Variants in CARD10 observed in about 807,000 individuals in gnomAD.
CARD10 encodes caspase recruitment domain family member 10.
Under a neutral mutation model 114.6 loss-of-function variants are expected in CARD10, and 49 were observed. The ratio of observed to expected loss-of-function variants is 0.43; its 90% CI spans 0.34 to 0.54. CARD10 has a LOEUF of 0.54. Among genes scored for constraint, CARD10 ranks in the 20% least tolerant of loss-of-function variants. The pLI is 0.03. For synonymous variants in CARD10, 602 were observed against 593.2 expected, an observed-to-expected ratio of 1.01 and a Z score of -0.21; for missense variants, 1,206 against 1,397.2, an observed-to-expected ratio of 0.86 and a Z score of 2.18.
intron 1 of CARD10, among the ~76,000 whole-genome samples, 156 bp downstream of exon 1, chr22:37,518,810 G>A (rs1386442850): frequency 2.6e-5 from 4 of 152,196 alleles, no homozygotes; most frequent in Non-Finnish European, 2.9e-5. Flanking sequence ...GTGGGGAGGA[G>A]GCAGGCTGGT....
chr22:37,518,907 C>T (rs1415344361), intron 1 of CARD10, 59 bp downstream of exon 1: 6 of 1,464,180 alleles, frequency 4.1e-6, no homozygotes, highest in African/African-American at 2.9e-5. Context: ...CGGCTGTGGG[C>T]GCTGCGCCCC....
intron 3 of CARD10, among the ~76,000 whole-genome samples, chr22:37,512,512 CA>C (rs1923697856): frequency 6.6e-6 from 1 of 150,814 alleles, no homozygotes; most frequent in Non-Finnish European, 1.5e-5. Context: ...CACACACACA[CA>C]CACACACGGG....
In CARD10 at chr22:37,510,909, C is replaced by T. The variant is rs11913657; in HGVS notation, c.700-488G>A. Reference sequence around the variant, plus strand: ...CCAGCCTGACCAACATGGTGAAACCCCGTCTCTACTAAAAATACAAAAATG... The same window carrying T: ...CCAGCCTGACCAACATGGTGAAACCTCGTCTCTACTAAAAATACAAAAATG... On this transcript the variant is annotated intron_variant, in intron 3 of 19. Coordinates refer to ENST00000251973, the MANE Select transcript of CARD10 (RefSeq NM_014550.4). 6.6e-3 allele frequency among the ~76,000 whole-genome samples: 1,001 copies of T among 152,026 alleles called. 11 individuals carry two copies. Among genetic ancestry groups the T allele is most frequent in the African/African-American group, 0.021 (872 of 41,480 alleles).
rs765552189 is a variant in CARD10, at chr22:37,510,389, C to T, written c.732G>A (p.Leu244=). 7 of 1,613,636 alleles carry T rather than the reference C, an allele frequency of 4.3e-6. No homozygotes were observed. Among genetic ancestry groups the T allele is most frequent in the African/African-American group, 1.3e-5 (1 of 74,930 alleles). The change falls in exon 4 of 20, where the codon CTG becomes CTA. Residue 244 remains leucine, a synonymous_variant. Transcript: ENST00000251973. The part of the protein sequence containing the change: ...VDQLKLKVSR[L]EEECALLRRA... ...TTCGAAGCAGTGCACACTCTTCCTC[C>T]AGCCGACTCACTTTGAGCTTGAGCT...
intron 2 of CARD10, among the ~76,000 whole-genome samples, 188 bp from the exon 3 acceptor site, chr22:37,516,486 G>A (rs1923850469): frequency 6.6e-6 from 1 of 152,190 alleles, no homozygotes; most frequent in South Asian, 2.1e-4. Context: ...AGAGAAAAAA[G>A]ATGGACAAAT....
chr22:37,512,588 C>CA lies in CARD10; in HGVS notation c.700-2168dup, dbSNP rs528562559. On this transcript the variant is annotated intron_variant, in intron 3 of 19. Transcript: ENST00000251973. Reference sequence around the variant, plus strand: ...CACTCCTCCTCCTCCGCAAGAGACTCAGAAAGAAATTCATGACTCCCGCAT... The same window carrying CA: ...CACTCCTCCTCCTCCGCAAGAGACTCAAGAAAGAAATTCATGACTCCCGCAT... 1.1e-3 allele frequency among the ~76,000 whole-genome samples: 164 copies of CA among 152,056 alleles called. 1 individual carries two copies. The highest frequency in any genetic ancestry group is 1.7e-3 in the Non-Finnish European group (118 of 67,986).
rs749505062 is a variant in CARD10 at position 37,508,633 on chromosome 22, A to G, written c.959T>C (p.Ile320Thr). The change falls in exon 5 of 20, where the codon ATC (isoleucine) becomes ACC (threonine). Residue 320 changes from isoleucine to threonine, a missense_variant. By Grantham distance (89) the Ile-to-Thr change is moderately conservative (BLOSUM62 -1). This residue lies in a region of CARD10 where 1,068 missense variants were observed against 1,179.1 expected (regional missense o/e 0.91). Transcript: ENST00000251973. ...CGCCTCCCGCCAGTCATGCTCTAGG[A>G]TGTCCAGCAGGATGCGCTCGGAGCC... The part of the protein sequence containing the change: ...APGSERILLD[I>T]LEHDWREAQD... The G allele has an allele frequency of 1.3e-6, 2 of 1,590,736 alleles. No individual in the cohort carries two copies. Among genetic ancestry groups the G allele is most frequent in the Admixed American group, 3.5e-5 (2 of 57,578 alleles).
intron 15 of CARD10, 79 bp from the exon 16 acceptor site, chr22:37,494,267 GC>G (rs1285490441): frequency 1.6e-5 from 15 of 954,252 alleles, no homozygotes; most frequent in Middle Eastern, 6.3e-4. Flanking sequence ...GGGACCCCTG[GC>G]ACAGCGGGCC....
rs758423636 is a variant in CARD10 at position 37,510,218 on chromosome 22, C to T, written c.903G>A (p.Leu301=). The change falls in exon 4 of 20, where the codon CTG becomes CTA. Residue 301 remains leucine, a synonymous_variant. Transcript: ENST00000251973. ...CAAGCCCTGGCCCTGGTACCTGCTG[C>T]AGGCCCTCCTGCAACTCCCGCAGTG... ...TASLRELQEG[L]QQEASRPGAP... The T allele has an allele frequency of 6.2e-7, 1 of 1,600,366 alleles. No individual in the cohort carries two copies. The highest frequency in any genetic ancestry group is 1.1e-5 in the South Asian group (1 of 91,070).
intron 2 of CARD10, among the ~76,000 whole-genome samples, chr22:37,517,700 A>G (rs182004973): frequency 6.6e-5 from 10 of 152,284 alleles, no homozygotes; most frequent in Non-Finnish European, 1.5e-5. Flanking sequence ...AAAAAACTAT[A>G]CATCTGTGTA....
At chr22:37,515,951 G>A (rs778785071) in intron 3 of CARD10, 22 bp downstream of exon 3, 32 of 1,532,490 alleles carry the variant, frequency 2.1e-5, no homozygotes, top group Admixed American at 3.8e-5. Flanking sequence ...TTGCCTCCCC[G>A]ACCCATCTCC....
intron 8 of CARD10, 114 bp from the exon 9 acceptor site, chr22:37,504,415 A>T (rs1334502123): frequency 1.9e-6 from 2 of 1,055,896 alleles, no homozygotes; most frequent in Non-Finnish European, 2.7e-6. Context: ...AGAGCAGAAG[A>T]GCGGGCTCTG....
At chr22:37,506,494 T>C in intron 6 of CARD10, 111 bp from the exon 7 acceptor site, 3 of 707,542 alleles carry the variant, frequency 4.2e-6, no homozygotes, top group Non-Finnish European at 6.7e-6. Flanking sequence ...TATCACTTAC[T>C]GAGCACTGTG....
chr22:37,492,681 C>T lies in CARD10; in HGVS notation c.2598G>A (p.Leu866=). The change falls in exon 17 of 20, where the codon CTG becomes CTA. Residue 866 remains leucine, a synonymous_variant. Transcript: ENST00000251973. This position sits in a 1 kb window ranked among gnomAD's most constrained non-coding sequence, Gnocchi z 5.7. ...APRLIRNLLD[L]PSSRLDFQVC... The stretch of plus-strand genomic sequence containing the variant: ...CTTGGAAGTCCAGCCGGGAGCTGGG[C>T]AGGTCTAGCAGGTTACGGATGAGCC... 6.2e-7 allele frequency: 1 copy of T among 1,613,062 alleles called. No homozygotes were observed. The highest frequency in any genetic ancestry group is 8.5e-7 in the Non-Finnish European group (1 of 1,179,872).
chr22:37,517,921 G>A (rs368340063), intron 2 of CARD10, 50 bp downstream of exon 2: 116 of 1,592,632 alleles, frequency 7.3e-5, no homozygotes, highest in Non-Finnish European at 9.3e-5. Context: ...GGGGAAAGGA[G>A]CCTGTGCACT....
intron 2 of CARD10, among the ~76,000 whole-genome samples, chr22:37,517,226 C>T (rs975230898): frequency 6.6e-6 from 1 of 152,192 alleles, no homozygotes; most frequent in African/African-American, 2.4e-5. Flanking sequence ...AGTATGCAGT[C>T]ACTTAAAACA....
chr22:37,492,705 C>T lies in CARD10; in HGVS notation c.2574G>A (p.Arg858=), dbSNP rs1244882233. ...GCAGGTCTAGCAGGTTACGGATGAG[C>T]CGGGGCGCCAGGCACTCAGGCAACA... ...VVLLPECLAP[R]LIRNLLDLPS... is the part of the protein sequence containing the mutation. The change falls in exon 17 of 20, where the codon CGG becomes CGA. Residue 858 remains arginine (R), a synonymous_variant. Transcript: ENST00000251973. The surrounding 1 kb of genome is among the most constrained non-coding windows in gnomAD (Gnocchi z 5.7). The T allele has an allele frequency of 2.5e-6, 4 of 1,613,036 alleles. No individual in the cohort carries two copies. The highest frequency in any genetic ancestry group is 3.4e-6 in the Non-Finnish European group (4 of 1,179,912).
In CARD10 at chr22:37,519,235, A is replaced by T. The variant is rs1329858849; in HGVS notation, c.-35T>A. 1 of 1,472,652 alleles carries T rather than the reference A, an allele frequency of 6.8e-7. No individual in the cohort carries two copies. The highest frequency in any genetic ancestry group is 1.4e-5 in the African/African-American group (1 of 69,336). The allele number at this position is 1,472,652 out of a possible 1,614,324, so 91.2% of individuals were successfully genotyped here. On this transcript the variant is annotated 5_prime_UTR_variant, in exon 1 of 20. Transcript: ENST00000251973. This position sits in a 1 kb window ranked among gnomAD's most constrained non-coding sequence, Gnocchi z 4.1. ...CTCAGGGTCTGCGGGCAAGAGGCGC[A>T]CGGGGGTCGACCAGGGCTCCCTAGG...
At chr22:37,515,082 G>C (rs149714944) in intron 3 of CARD10, among the ~76,000 whole-genome samples, 48 of 152,338 alleles carry the variant, frequency 3.2e-4, no homozygotes, top group African/African-American at 1.1e-3. Context: ...CCTTGAGCAA[G>C]TCCTTTCACT....
Sources: gnomAD v4.1 joint callset for allele counts (sites outside exome capture counted in the v4.1 genomes callset) on GRCh38, gnomAD v4.1.1 for gene constraint, gnomAD v4.1.1 regional missense constraint, Gnocchi (gnomAD v3.1) non-coding constraint, MANE v1.5 for transcripts, NCBI Gene and HGNC (gene_info 2026-07-23, HGNC 2026-07-21) for gene names.